The following EFNA5 variants were observed in gnomAD, a reference collection of about 807,000 sequenced individuals.
The protein encoded by EFNA5 is ephrin A5, also known as ephrin-A5.
EFNA5 carries 5 observed loss-of-function variants against 22.9 expected under a neutral mutation model. The observed-to-expected ratio is 0.22, with a 90% CI of 0.11 to 0.46. EFNA5 has a LOEUF of 0.46. Ranked by LOEUF, EFNA5 falls within the 20% of genes least tolerant of loss-of-function variation. The pLI, the probability that EFNA5 is intolerant of heterozygous loss-of-function variation, is 0.99. For synonymous variants in EFNA5, 113 were observed against 112.2 expected (o/e 1.01, Z -0.04); for missense variants, 237 against 293.3 (o/e 0.81, Z 1.40).
At chr5:107,591,973 TATA>T (rs1561443100) in intron 1 of EFNA5, among the ~76,000 whole-genome samples, 1,521 of 38,638 alleles carry the variant, frequency 0.039, 37 homozygotes, top group Non-Finnish European at 0.046. Context: ...ATATAATATA[TATA>T]ATATATAATA....
chr5:107,463,679 A>C (rs1255770837), intron 1 of EFNA5, among the ~76,000 whole-genome samples: 1 of 152,168 alleles, frequency 6.6e-6, no homozygotes, highest in Non-Finnish European at 1.5e-5. Flanking sequence ...AATAATTAAA[A>C]CTTGCTTGAA....
chr5:107,431,009 C>T (rs1210386860), intron 1 of EFNA5, among the ~76,000 whole-genome samples: 4 of 152,042 alleles, frequency 2.6e-5, no homozygotes, highest in South Asian at 2.1e-4. Flanking sequence ...CTCCTGACCT[C>T]GTGATCTGCC....
At chr5:107,502,585 T>C (rs560840577) in intron 1 of EFNA5, among the ~76,000 whole-genome samples, 1 of 152,346 alleles carries the variant, frequency 6.6e-6, no homozygotes, top group African/African-American at 2.4e-5. Context: ...CTGAAAAGCA[T>C]GTACATGGGG....
intron 1 of EFNA5, among the ~76,000 whole-genome samples, chr5:107,571,116 C>T (rs1041887737): frequency 3.9e-5 from 6 of 152,136 alleles, no homozygotes; most frequent in African/African-American, 9.7e-5. Flanking sequence ...CCCAGGGCGG[C>T]AAGGGTTGGG....
chr5:107,383,473 G>C (rs571561521), intron 4 of EFNA5, among the ~76,000 whole-genome samples: 24 of 152,252 alleles, frequency 1.6e-4, no homozygotes, highest in Middle Eastern at 3.4e-3. Flanking sequence ...ACTTTCTTAA[G>C]AGCACCAATA....
At chr5:107,436,173 A>G (rs913113277) in intron 1 of EFNA5, among the ~76,000 whole-genome samples, 2 of 152,252 alleles carry the variant, frequency 1.3e-5, no homozygotes, top group Non-Finnish European at 2.9e-5. Context: ...CACCTGTTTC[A>G]TATAAAAGGC....
chr5:107,591,195 C>T (rs917713459), intron 1 of EFNA5, among the ~76,000 whole-genome samples: 5 of 152,182 alleles, frequency 3.3e-5, no homozygotes, highest in Non-Finnish European at 7.4e-5. Flanking sequence ...AGGTATCTTA[C>T]ACGGCTGGCA....
intron 1 of EFNA5, among the ~76,000 whole-genome samples, chr5:107,620,002 C>G (rs995146993): frequency 2.0e-5 from 3 of 152,204 alleles, no homozygotes; most frequent in Middle Eastern, 3.2e-3. Context: ...GGCTACAGAT[C>G]TCTGCAGAAG....
intron 1 of EFNA5, among the ~76,000 whole-genome samples, chr5:107,448,966 T>C (rs1749474611): frequency 6.6e-6 from 1 of 151,768 alleles, no homozygotes; most frequent in Non-Finnish European, 1.5e-5. Context: ...TGGGTTGGAG[T>C]GGGGGTGAAG....
chr5:107,592,550 T>C (rs1046826736), intron 1 of EFNA5, among the ~76,000 whole-genome samples: 2 of 152,172 alleles, frequency 1.3e-5, no homozygotes, highest in Non-Finnish European at 2.9e-5. Flanking sequence ...CTGGTCTCGA[T>C]GTCGAGGAAA....
chr5:107,403,684 C>T lies in EFNA5; in HGVS notation c.419-15913G>A, dbSNP rs377336527. ...TTCACACATAGCTTTATATCTGCAA[C>T]CCTAGATATAAATATCCCATATTCA... is the stretch of plus-strand genomic sequence containing the variant. On this transcript the variant is annotated intron_variant, in intron 2 of 4. Coordinates refer to ENST00000333274, the MANE Select transcript of EFNA5 (RefSeq NM_001962.3). Among the ~76,000 whole-genome samples, 98 of 152,296 alleles carry T rather than the reference C, an allele frequency of 6.4e-4. 2 individuals are homozygous for T. In the South Asian group the frequency reaches 0.02, roughly 31 times the overall value.
At chr5:107,569,365 G>A (rs1748725550) in intron 1 of EFNA5, among the ~76,000 whole-genome samples, 1 of 127,714 alleles carries the variant, frequency 7.8e-6, no homozygotes, top group South Asian at 2.2e-4. Context: ...ATATATATAC[G>A]TGTATATATA....
chr5:107,412,183 T>A (rs13360970), intron 2 of EFNA5, among the ~76,000 whole-genome samples: 4 of 152,180 alleles, frequency 2.6e-5, no homozygotes, highest in Non-Finnish European at 5.9e-5. Flanking sequence ...GATTAACCTG[T>A]TTCTGATGGT....
chr5:107,623,420 A>C (rs1223417476), intron 1 of EFNA5, among the ~76,000 whole-genome samples: 1 of 152,210 alleles, frequency 6.6e-6, no homozygotes, highest in Non-Finnish European at 1.5e-5. Flanking sequence ...CTGGGTTATA[A>C]ATTTAAATAA....
Position 107,591,858 on chromosome 5 carries a change from TA to T in EFNA5, c.125+78630del, listed in dbSNP as rs1471438107. On this transcript the variant is annotated intron_variant, in intron 1 of 4. Coordinates refer to ENST00000333274, the MANE Select transcript of EFNA5 (RefSeq NM_001962.3). ...ATATATATATAAAATATATATAATATAAAAAATATATATATAATATATAATA... is the reference window on the plus strand; with the variant it reads ...ATATATATATAAAATATATATAATATAAAAATATATATATAATATATAATA... Among the ~76,000 whole-genome samples, 4 of 79,096 alleles carry T rather than the reference TA, an allele frequency of 5.1e-5. No individual in the cohort carries two copies. The East Asian group carries it at 8.6e-4, about 17-fold the overall frequency. The allele number at this position is 79,096 out of a possible 152,430, so 51.9% of individuals were successfully genotyped here.
At chr5:107,434,446 A>G (rs1204555251) in intron 1 of EFNA5, among the ~76,000 whole-genome samples, 1 of 152,198 alleles carries the variant, frequency 6.6e-6, no homozygotes, top group African/African-American at 2.4e-5. Flanking sequence ...CTCTGAGTTC[A>G]TCTTTAGCCA....
rs62355601 is a variant in EFNA5, at chr5:107,508,650, C to G, written c.126-81141G>C. On this transcript the variant is annotated intron_variant, in intron 1 of 4. Transcript: ENST00000333274. The stretch of plus-strand genomic sequence containing the variant: ...TCTTCAGCCTTGATATAACAATAAT[C>G]TTAATTAAATAGACTTCTAAAAACT... Among the ~76,000 whole-genome samples the G allele has an allele frequency of 5.4e-3, 827 of 152,262 alleles. 4 individuals carry two copies. Among genetic ancestry groups the G allele is most frequent in the Non-Finnish European group, 9.1e-3 (622 of 68,008 alleles).
intron 1 of EFNA5, among the ~76,000 whole-genome samples, chr5:107,654,938 C>G (rs1750793183): frequency 6.6e-6 from 1 of 151,950 alleles, no homozygotes; most frequent in African/African-American, 2.4e-5. Flanking sequence ...GCAACTCAAT[C>G]CAATCATTTC....
intron 1 of EFNA5, among the ~76,000 whole-genome samples, chr5:107,660,441 T>C (rs1296343571): frequency 6.6e-6 from 1 of 150,686 alleles, no homozygotes; most frequent in African/African-American, 2.4e-5. Context: ...ATGTATACAA[T>C]GCTACACCCA....
Sources: allele counts gnomAD v4.1 joint callset (sites outside exome capture counted in the v4.1 genomes callset), GRCh38; gene constraint gnomAD v4.1.1; transcripts MANE v1.5; gene names NCBI Gene and HGNC (gene_info 2026-07-23, HGNC 2026-07-21).